The following DPP6 variants were observed in gnomAD, a reference collection of about 807,000 sequenced individuals.
DPP6 encodes the protein A-type potassium channel modulatory protein DPP6.
A neutral mutation model predicts 122.6 loss-of-function variants in DPP6; 69 were observed. That is an observed-to-expected ratio of 0.56 (90% CI 0.46 to 0.69). The LOEUF (loss-of-function observed/expected upper bound fraction) is 0.69, where lower values mean the gene tolerates loss of function less well. Ranked by LOEUF, DPP6 falls within the 30% of genes least tolerant of loss-of-function variation. DPP6 has a pLI of 0.00. For synonymous variants in DPP6, 418 were observed against 433.1 expected (o/e 0.97, Z 0.43); for missense variants, 928 against 1,116.9 (o/e 0.83, Z 2.41).
chr7:154,427,710 T>A (rs1818028209), intron 1 of DPP6, among the ~76,000 whole-genome samples: 1 of 152,254 alleles, frequency 6.6e-6, no homozygotes, highest in South Asian at 2.1e-4. Flanking sequence ...GAATGCCTAG[T>A]GTCTTCATTT....
chr7:154,689,502 G>A (rs1839817888), intron 7 of DPP6, among the ~76,000 whole-genome samples: 1 of 152,132 alleles, frequency 6.6e-6, no homozygotes, highest in Non-Finnish European at 1.5e-5. Flanking sequence ...AGCCTTATGT[G>A]ACTAGGATAG....
intron 8 of DPP6, among the ~76,000 whole-genome samples, chr7:154,734,022 T>C (rs1247629397): frequency 1.3e-5 from 2 of 152,240 alleles, no homozygotes; most frequent in Non-Finnish European, 2.9e-5. Context: ...GTTGTGACCA[T>C]CGATAACTGG....
chr7:154,845,552 T>C (rs1801878034), intron 16 of DPP6, among the ~76,000 whole-genome samples: 1 of 152,112 alleles, frequency 6.6e-6, no homozygotes, highest in Admixed American at 6.5e-5. Context: ...TTAGGAGATA[T>C]ATGTAACGTA....
At chr7:154,528,570 T>C (rs7803828) in intron 3 of DPP6, among the ~76,000 whole-genome samples, 1 of 151,918 alleles carries the variant, frequency 6.6e-6, no homozygotes, top group Admixed American at 6.5e-5. Flanking sequence ...CATATATTTT[T>C]CATCTAACTT....
chr7:154,273,291 T>C (rs561247162), intron 1 of DPP6, among the ~76,000 whole-genome samples: 35 of 152,244 alleles, frequency 2.3e-4, no homozygotes, highest in African/African-American at 7.2e-4. Context: ...GCTTCTGGCA[T>C]GAGAGACAGA....
chr7:154,092,654 G>C (rs1032962457), intron 1 of DPP6: 1 of 152,198 alleles, frequency 6.6e-6, no homozygotes, highest in Non-Finnish European at 1.5e-5. Context: ...AGTGTGTCCT[G>C]CTGGCGATGG....
In DPP6 at chr7:154,877,929, G is replaced by A. The variant is rs918197776; in HGVS notation, c.2078+1829G>A. ...GGCTGCTGGGTCAGCAGCGGGCAGT[G>A]CCAGCCACAGAGGACTCCCAGGACA... On this transcript the variant is annotated intron_variant, in intron 20 of 25. Coordinates refer to ENST00000377770, the MANE Select transcript of DPP6 (RefSeq NM_130797.4). This position sits in a 1 kb window ranked among gnomAD's most constrained non-coding sequence, Gnocchi z 5.2. Among the ~76,000 whole-genome samples the A allele has an allele frequency of 6.6e-6, 1 of 152,174 alleles. No individual in the cohort carries two copies. The highest frequency in any genetic ancestry group is 2.4e-5 in the African/African-American group (1 of 41,444).
chr7:154,345,981 T>C (rs1444620389), intron 1 of DPP6, among the ~76,000 whole-genome samples: 2 of 152,184 alleles, frequency 1.3e-5, no homozygotes, highest in Non-Finnish European at 2.9e-5. Flanking sequence ...AAACATACTT[T>C]GATTAGGGAG....
intron 1 of DPP6, among the ~76,000 whole-genome samples, chr7:153,908,797 C>G (rs1169238698): frequency 6.6e-6 from 1 of 152,076 alleles, no homozygotes; most frequent in Non-Finnish European, 1.5e-5. Flanking sequence ...CTCTGTCGCC[C>G]AGGCTGGAGT....
intron 1 of DPP6, among the ~76,000 whole-genome samples, chr7:153,918,510 G>A (rs1554407098): frequency 4.7e-5 from 3 of 64,206 alleles, no homozygotes; most frequent in Non-Finnish European, 6.3e-5. Context: ...AAGGCAAAAA[G>A]AAGAGGTAAT....
chr7:154,729,158 C>A (rs1842214186), intron 8 of DPP6, among the ~76,000 whole-genome samples: 1 of 152,330 alleles, frequency 6.6e-6, no homozygotes, highest in East Asian at 1.9e-4. Flanking sequence ...CATGTGGCTA[C>A]AGTAACCGTA....
chr7:153,997,233 T>G (rs1004645786), intron 1 of DPP6, among the ~76,000 whole-genome samples: 3 of 152,138 alleles, frequency 2.0e-5, no homozygotes, highest in African/African-American at 7.2e-5. Context: ...ATGCTAGATC[T>G]TCACTCCACT....
At chr7:154,233,141 G>T (rs988786839) in intron 1 of DPP6, among the ~76,000 whole-genome samples, 1 of 152,234 alleles carries the variant, frequency 6.6e-6, no homozygotes, top group African/African-American at 2.4e-5. Context: ...AATTAGAGTA[G>T]TTTGTGAGAG....
intron 6 of DPP6, among the ~76,000 whole-genome samples, chr7:154,647,333 G>A (rs968111436): frequency 8.0e-5 from 12 of 150,360 alleles, no homozygotes; most frequent in Non-Finnish European, 1.6e-4. Flanking sequence ...CGTGGAAGCT[G>A]AGAAATAACA....
intron 1 of DPP6, among the ~76,000 whole-genome samples, chr7:154,309,083 G>A (rs2150993783): frequency 6.6e-6 from 1 of 152,280 alleles, no homozygotes; most frequent in African/African-American, 2.4e-5. Context: ...CTCGTGCTGA[G>A]GAATCTCACA....
At chr7:154,138,559 C>T (rs1468241375) in intron 1 of DPP6, among the ~76,000 whole-genome samples, 2 of 152,018 alleles carry the variant, frequency 1.3e-5, no homozygotes, top group Non-Finnish European at 2.9e-5. Flanking sequence ...AAGATCGTCA[C>T]TGGAACTCTT....
intron 1 of DPP6, among the ~76,000 whole-genome samples, chr7:154,354,362 G>A (rs550438250): frequency 3.3e-5 from 5 of 152,236 alleles, no homozygotes; most frequent in South Asian, 2.1e-4. Flanking sequence ...TACAATGGCC[G>A]TATAGGAGGC....
chr7:154,147,687 T>TACACAC (rs1796181335), intron 1 of DPP6, among the ~76,000 whole-genome samples: 1 of 143,194 alleles, frequency 7.0e-6, no homozygotes, highest in African/African-American at 2.9e-5. Flanking sequence ...TATATATGTA[T>TACACAC]ATACACACAC....
At chr7:154,396,272 G>T (rs1815076480) in intron 1 of DPP6, among the ~76,000 whole-genome samples, 1 of 152,148 alleles carries the variant, frequency 6.6e-6, no homozygotes, top group Non-Finnish European at 1.5e-5. Flanking sequence ...AGAAACCAGG[G>T]CTGAGAGATG....
Sources: allele counts gnomAD v4.1 joint callset (sites outside exome capture counted in the v4.1 genomes callset), GRCh38; gene constraint gnomAD v4.1.1; non-coding constraint Gnocchi (gnomAD v3.1); transcripts MANE v1.5; gene names NCBI Gene and HGNC (gene_info 2026-07-23, HGNC 2026-07-21).